Variants in TSGA10 observed in about 807,000 individuals in gnomAD.
TSGA10 encodes the protein testis specific 10.
In TSGA10, 43 loss-of-function variants were observed where a neutral mutation model predicts 96.6. The ratio of observed to expected loss-of-function variants is 0.44; its 90% CI spans 0.35 to 0.57. TSGA10 has a LOEUF of 0.57. Ranked by LOEUF, TSGA10 falls within the 20% of genes least tolerant of loss-of-function variation. TSGA10 has a pLI of 0.01. For synonymous variants in TSGA10, 229 were observed against 269.9 expected (o/e 0.85, Z 1.48); for missense variants, 703 against 834.4 (o/e 0.84, Z 1.94).
intron 20 of TSGA10, among the ~76,000 whole-genome samples, chr2:99,011,033 C>T (rs927767991): frequency 1.3e-5 from 2 of 152,144 alleles, no homozygotes; most frequent in Non-Finnish European, 2.9e-5. Flanking sequence ...GAGAACCATA[C>T]CCCCATCCCC....
chr2:99,136,390 A>G (rs1176829143), intron 1 of TSGA10, among the ~76,000 whole-genome samples: 1 of 152,226 alleles, frequency 6.6e-6, no homozygotes, highest in Non-Finnish European at 1.5e-5. Flanking sequence ...TCAACCCTAA[A>G]TGAATCTAGG....
intron 15 of TSGA10, among the ~76,000 whole-genome samples, chr2:99,065,645 T>C (rs1195069953): frequency 6.6e-6 from 1 of 152,232 alleles, no homozygotes; most frequent in Non-Finnish European, 1.5e-5. Context: ...CCAGCCTTAA[T>C]TATCTTGATC....
intron 20 of TSGA10, among the ~76,000 whole-genome samples, chr2:99,014,891 G>A (rs951395488): frequency 8.5e-5 from 13 of 152,114 alleles, no homozygotes; most frequent in African/African-American, 3.1e-4. Context: ...AAAATCTAGA[G>A]GAGATGGATA....
chr2:99,089,362 A>T (rs1250398495), intron 10 of TSGA10, among the ~76,000 whole-genome samples: 1 of 152,170 alleles, frequency 6.6e-6, no homozygotes, highest in Non-Finnish European at 1.5e-5. Flanking sequence ...TTCCAACTGA[A>T]TTTTGTAACA....
intron 1 of TSGA10, among the ~76,000 whole-genome samples, chr2:99,128,216 G>T (rs1051463306): frequency 6.6e-6 from 1 of 152,076 alleles, no homozygotes; most frequent in African/African-American, 2.4e-5. Flanking sequence ...ACTTAGACAG[G>T]CCGGCAGATT....
chr2:99,103,616 T>C (rs1174989163), intron 10 of TSGA10, among the ~76,000 whole-genome samples: 3 of 152,256 alleles, frequency 2.0e-5, no homozygotes, highest in African/African-American at 7.2e-5. Flanking sequence ...TGTTTTCTTA[T>C]ACTGTTCATA....
At chr2:99,029,870 G>A (rs1391585650) in intron 17 of TSGA10, among the ~76,000 whole-genome samples, 6 of 152,172 alleles carry the variant, frequency 3.9e-5, no homozygotes, top group Admixed American at 6.5e-5. Context: ...CTGACACCGT[G>A]CTTAAGTACG....
chr2:99,089,003 G>C (rs1046598345), intron 10 of TSGA10, among the ~76,000 whole-genome samples: 1 of 152,182 alleles, frequency 6.6e-6, no homozygotes, highest in Non-Finnish European at 1.5e-5. Context: ...GGAAAGCCGA[G>C]AGAATCCACA....
In TSGA10 at chr2:98,997,412, G is replaced by A. The variant is rs1467480250; in HGVS notation, c.*785C>T. The A allele has an allele frequency of 6.6e-6, 1 of 151,920 alleles. No individual in the cohort carries two copies. The highest frequency in any genetic ancestry group is 1.5e-5 in the Non-Finnish European group (1 of 67,938). 9.4% of individuals were successfully genotyped at this position (151,920 alleles called of 1,614,324 possible). ...GAGATTTAGGAAATTGGGGGAGGAAGGAAACATCACTTATCTTATTACTCC... is the reference window on the plus strand; with the variant it reads ...GAGATTTAGGAAATTGGGGGAGGAAAGAAACATCACTTATCTTATTACTCC... On this transcript the variant is annotated 3_prime_UTR_variant, in exon 21 of 21. Transcript: ENST00000393483.
intron 12 of TSGA10, among the ~76,000 whole-genome samples, chr2:99,078,443 G>T (rs1407311169): frequency 6.6e-6 from 1 of 151,882 alleles, no homozygotes; most frequent in African/African-American, 2.4e-5. Flanking sequence ...ATTCATGATA[G>T]AAAAATCAAC....
intron 16 of TSGA10, among the ~76,000 whole-genome samples, chr2:99,036,372 A>C (rs946999989): frequency 7.2e-5 from 11 of 152,086 alleles, no homozygotes; most frequent in Non-Finnish European, 1.6e-4. Flanking sequence ...TATATATTGA[A>C]TATACTCTAT....
intron 16 of TSGA10, among the ~76,000 whole-genome samples, chr2:99,042,598 G>A (rs940322826): frequency 2.0e-5 from 3 of 152,108 alleles, no homozygotes; most frequent in Admixed American, 6.5e-5. Context: ...CAACATTTGG[G>A]GCATAGCTTT....
In TSGA10 at chr2:99,018,305, T is replaced by C. The variant is rs149213112; in HGVS notation, c.1967A>G (p.Asn656Ser). The change falls in exon 20 of 21, where the codon AAT becomes AGT. Residue 656 changes from asparagine to serine, a missense_variant. Asn to Ser is a conservative substitution (Grantham distance 46). Coordinates refer to ENST00000393483, the MANE Select transcript of TSGA10 (RefSeq NM_025244.4). ...QELRRQNYSS[N>S]AYHMSSTMKP... Reference sequence around the variant, plus strand: ...CATTGTAGAACTCATATGATAAGCATTACTTGAATAATTTTGGCGGCGAAG... The same window carrying C: ...CATTGTAGAACTCATATGATAAGCACTACTTGAATAATTTTGGCGGCGAAG... 18 of 1,614,056 alleles carry C rather than the reference T, an allele frequency of 1.1e-5. No individual in the cohort carries two copies. In the African/African-American group the frequency reaches 2.4e-4, roughly 22 times the overall value.
intron 1 of TSGA10, among the ~76,000 whole-genome samples, chr2:99,152,712 A>C (rs1043367261): frequency 6.6e-6 from 1 of 152,234 alleles, no homozygotes; most frequent in African/African-American, 2.4e-5. Context: ...GATGGTCATA[A>C]AAGTGGAGAG....
intron 10 of TSGA10, among the ~76,000 whole-genome samples, chr2:99,095,486 T>G (rs2089936632): frequency 6.6e-6 from 1 of 152,170 alleles, no homozygotes; most frequent in African/African-American, 2.4e-5. Context: ...TGATAATGAT[T>G]CTTTAAAAAA....
chr2:99,070,835 T>C (rs1036421397), intron 14 of TSGA10, among the ~76,000 whole-genome samples: 2 of 152,160 alleles, frequency 1.3e-5, no homozygotes, highest in Non-Finnish European at 2.9e-5. Context: ...ATTGTTAACA[T>C]TTTACATTAG....
chr2:99,126,936 A>G (rs1458702134), intron 2 of TSGA10, 112 bp downstream of exon 2: 1 of 1,006,672 alleles, frequency 9.9e-7, no homozygotes, highest in East Asian at 6.2e-5. Flanking sequence ...TTTTAGACCC[A>G]TAACATTTAA....
At chr2:99,039,852 A>T (rs2082025162) in intron 16 of TSGA10, among the ~76,000 whole-genome samples, 1 of 152,188 alleles carries the variant, frequency 6.6e-6, no homozygotes, top group South Asian at 2.1e-4. Flanking sequence ...CCTGATGAAC[A>T]TAGCTGCAAA....
chr2:99,120,517 T>C (rs949886428), intron 2 of TSGA10, among the ~76,000 whole-genome samples: 3 of 152,154 alleles, frequency 2.0e-5, no homozygotes, highest in Non-Finnish European at 2.9e-5. Flanking sequence ...ATGCCTAGAA[T>C]TTGCAGAATT....
Sources: allele counts gnomAD v4.1 joint callset (sites outside exome capture counted in the v4.1 genomes callset), GRCh38; gene constraint gnomAD v4.1.1; transcripts MANE v1.5; gene names NCBI Gene and HGNC (gene_info 2026-07-23, HGNC 2026-07-21).